The following COL6A1 variants were observed in gnomAD, a reference collection of about 807,000 sequenced individuals.
COL6A1 encodes collagen type VI alpha 1 chain.
COL6A1 carries 80 observed loss-of-function variants against 145.6 expected under a neutral mutation model. The ratio of observed to expected loss-of-function variants is 0.55; its 90% CI spans 0.46 to 0.66. COL6A1 has a LOEUF of 0.66. Ranked by LOEUF, COL6A1 falls within the 30% of genes least tolerant of loss-of-function variation. The pLI is 0.00. For missense variants in COL6A1, 1,364 were observed against 1,473.8 expected (o/e 0.93, Z 1.22); for synonymous variants, 638 against 622.8 (o/e 1.02, Z -0.36).
Position 45,981,822 on chromosome 21 carries a change from G to A in COL6A1, c.-29G>A. 4 of 1,538,178 alleles carry A rather than the reference G, an allele frequency of 2.6e-6. No individual in the cohort carries two copies. The highest frequency in any genetic ancestry group is 3.5e-6 in the Non-Finnish European group (4 of 1,138,506). ...GGCGGCGGCCCACTCTGCCCTGGCC[G>A]CGCTGTGTGGTGACCGCAGGCCCCA... On this transcript the variant is annotated 5_prime_UTR_variant, in exon 1 of 35. Coordinates refer to ENST00000361866, the MANE Select transcript of COL6A1 (RefSeq NM_001848.3).
chr21:46,000,938 G>A, intron 29 of COL6A1, 171 bp downstream of exon 29: 1 of 888,064 alleles, frequency 1.1e-6, no homozygotes, highest in Non-Finnish European at 1.8e-6. Context: ...GTTCCCGGGT[G>A]TTGGGCTGGG....
rs191946565 is a variant in COL6A1 at position 46,000,392 on chromosome 21, T to G, written c.1813+25T>G. 2.6e-3 allele frequency: 4,170 copies of G among 1,613,700 alleles called. 166 individuals carry two copies. The Admixed American group carries it at 0.067, about 26-fold the overall frequency. The stretch of plus-strand genomic sequence containing the variant: ...TGTGAGTATCTCTGAGAAGCCGTCC[T>G]CGTTAGGGAGAGCAGGGCCGCCAGC... On this transcript the variant is annotated intron_variant, in intron 28 of 34. Transcript: ENST00000361866.
chr21:45,986,430 C>T (rs1263175858), intron 3 of COL6A1, 96 bp from the exon 4 acceptor site: 12 of 1,283,082 alleles, frequency 9.4e-6, no homozygotes, highest in African/African-American at 2.9e-5. Flanking sequence ...CGGCTCCTCC[C>T]GGTGAGACAG....
rs768435283 is a variant in COL6A1, at chr21:46,002,228, A to C, written c.2077A>C (p.Ser693Arg). 15 of 1,602,398 alleles carry C rather than the reference A, an allele frequency of 9.4e-6. No individual in the cohort carries two copies. In the African/African-American group the frequency reaches 2.0e-4, roughly 21 times the overall value. Residue 693 changes from serine to arginine, a missense_variant, in exon 32 of 35, where the codon AGC becomes CGC. By Grantham distance (110) the Ser-to-Arg change is moderately radical. Transcript: ENST00000361866. ...NVQELKEAIKSLQWMAGGTFT... is the reference protein window; with the variant it reads ...NVQELKEAIKRLQWMAGGTFT... ...CCCTTTGCTATGCAGAGCCATCAAG[A>C]GCCTGCAGTGGATGGCGGGCGGCAC... is the stretch of plus-strand genomic sequence containing the variant.
At position 45,992,750 on chromosome 21, in the gene COL6A1, T is replaced by C. The variant is rs541986497; in HGVS notation, c.1275T>C (p.Gly425=). 1 of 1,591,116 alleles carries C rather than the reference T, an allele frequency of 6.3e-7. No homozygotes were observed. Among genetic ancestry groups the C allele is most frequent in the African/African-American group, 1.3e-5 (1 of 74,720 alleles). The change falls in exon 19 of 35, where the codon GGT becomes GGC. Residue 425 remains glycine (G), a splice_region_variant and synonymous_variant. Transcript: ENST00000361866. ...CCCCTCCATGTCTCTCCACTCAGGG[T>C]GGCCCTGGAGAGAGAGGACCACGGG... The part of the protein sequence containing the change: ...PGPDGAPGER[G]GPGERGPRGT...
chr21:45,991,170 G>A, intron 15 of COL6A1, 129 bp downstream of exon 15: 1 of 991,532 alleles, frequency 1.0e-6, no homozygotes, highest in South Asian at 1.4e-5. Flanking sequence ...GAGGGGAGGA[G>A]CTGGTGGAGG....
chr21:46,002,997 G>T, intron 33 of COL6A1, 123 bp from the exon 34 acceptor site: 1 of 1,432,678 alleles, frequency 7.0e-7, no homozygotes, highest in East Asian at 2.4e-5. Flanking sequence ...TCCTCCTCCC[G>T]GCTCGCTGTG....
chr21:46,004,455 CCCTCTCGGGGCCTGTGCCGCA>C lies in COL6A1; in HGVS notation c.*444_*464del, dbSNP rs1434016690. 9 of 319,082 alleles carry C rather than the reference CCCTCTCGGGGCCTGTGCCGCA, an allele frequency of 2.8e-5. No homozygotes were observed. The highest frequency in any genetic ancestry group is 4.9e-5 in the Non-Finnish European group (8 of 161,918). The allele number at this position is 319,082 out of a possible 1,614,324, so 19.8% of individuals were successfully genotyped here. A position where few individuals can be genotyped will look rare whatever the true frequency, so the allele number is the denominator to read the frequency against. Reference sequence around the variant, plus strand: ...GCATCCCACCAGCCTGAGCAAGACGCCCTCTCGGGGCCTGTGCCGCACTAGCCTCCCTCTCCTCTGTCCCCA... The same window carrying C: ...GCATCCCACCAGCCTGAGCAAGACGCCTAGCCTCCCTCTCCTCTGTCCCCA... On this transcript the variant is annotated 3_prime_UTR_variant, in exon 35 of 35. Coordinates refer to ENST00000361866, the MANE Select transcript of COL6A1 (RefSeq NM_001848.3).
At chr21:45,997,348 T>G in intron 20 of COL6A1, 73 bp from the exon 21 acceptor site, 1 of 1,443,044 alleles carries the variant, frequency 6.9e-7, no homozygotes, top group Non-Finnish European at 9.8e-7. Flanking sequence ...TCTGAGACCC[T>G]CAGCTTAGGG....
At chr21:46,000,111 A>G (rs2077834775) in intron 27 of COL6A1, among the ~76,000 whole-genome samples, 1 of 146,230 alleles carries the variant, frequency 6.8e-6, no homozygotes, top group Non-Finnish European at 1.5e-5. Flanking sequence ...CGTGACGGCC[A>G]CGGGGAGACC....
rs1016694819 is a variant in COL6A1, at chr21:45,998,267, C to G, written c.1575+96C>G. On this transcript the variant is annotated intron_variant, in intron 23 of 34. Coordinates refer to ENST00000361866, the MANE Select transcript of COL6A1 (RefSeq NM_001848.3). ...GCACTCTTGGGTGGGCGGGCTGGCC[C>G]CAGGACCGCCGGCTGGCCCAGGAAT... 2.4e-5 allele frequency: 38 copies of G among 1,578,982 alleles called. No homozygotes were observed. In the Admixed American group the frequency reaches 6.8e-4, roughly 28 times the overall value.
rs777639440 is a variant in COL6A1 at position 46,000,327 on chromosome 21, C to A, written c.1777-4C>A. ...CCCCAGTACCCTCGTCTCTCCCTCCCCAGGAATGCGAGATTTTGGACATCA... is the reference window on the plus strand; with the variant it reads ...CCCCAGTACCCTCGTCTCTCCCTCCACAGGAATGCGAGATTTTGGACATCA... On this transcript the variant is annotated splice_polypyrimidine_tract_variant and splice_region_variant and intron_variant, in intron 27 of 34. Transcript: ENST00000361866. 6.2e-7 allele frequency: 1 copy of A among 1,613,950 alleles called. No homozygotes were observed. The highest frequency in any genetic ancestry group is 8.5e-7 in the Non-Finnish European group (1 of 1,179,896).
chr21:45,995,732 C>G (rs1015395784), intron 20 of COL6A1, among the ~76,000 whole-genome samples: 1 of 152,204 alleles, frequency 6.6e-6, no homozygotes, highest in Non-Finnish European at 1.5e-5. Flanking sequence ...GGAATAGTCT[C>G]TAGGCTGCTG....
intron 3 of COL6A1, among the ~76,000 whole-genome samples, chr21:45,984,805 CAG>C (rs1422952913): frequency 6.7e-6 from 1 of 148,942 alleles, no homozygotes; most frequent in African/African-American, 2.5e-5. Context: ...GAGAGAGACA[CAG>C]AGAGACAGAG....
At position 45,998,135 on chromosome 21, in the gene COL6A1, C is replaced by T. The variant is rs150834054; in HGVS notation, c.1539C>T (p.Pro513=). 5.4e-5 allele frequency: 87 copies of T among 1,612,184 alleles called. No homozygotes were observed. Among genetic ancestry groups the T allele is most frequent in the Non-Finnish European group, 7.0e-5 (83 of 1,179,736 alleles). The change falls in exon 23 of 35, where the codon CCC becomes CCT. Residue 513 remains proline, a synonymous_variant. Transcript: ENST00000361866. ...GLMGERGEDG[P]AGNGTEGFPG... ...TGCTCCCCCAGGGAGAAGACGGCCC[C>T]GCTGGAAATGGCACCGAGGGCTTCC...
In COL6A1 at chr21:46,004,381, C is replaced by A. The variant is rs984520896; in HGVS notation, c.*368C>A. On this transcript the variant is annotated 3_prime_UTR_variant, in exon 35 of 35. Transcript: ENST00000361866. ...GGGCTCTCCTGCCCTGCCCTCCTGC[C>A]CGCCCTCCCTCCTGCCTGCGCAGCT... The A allele has an allele frequency of 5.3e-6, 2 of 379,588 alleles. No homozygotes were observed. Among genetic ancestry groups the A allele is most frequent in the Non-Finnish European group, 9.9e-6 (2 of 202,356 alleles). 23.5% of individuals were successfully genotyped at this position (379,588 alleles called of 1,614,324 possible).
chr21:45,984,805 C>T (rs1329616788), intron 3 of COL6A1, among the ~76,000 whole-genome samples: 1 of 148,942 alleles, frequency 6.7e-6, no homozygotes, highest in Admixed American at 6.7e-5. Context: ...GAGAGAGACA[C>T]AGAGAGACAG....
intron 1 of COL6A1, 109 bp from the exon 2 acceptor site, chr21:45,982,520 TCCGGG>T (rs1156480256): frequency 1.1e-5 from 16 of 1,493,806 alleles, no homozygotes; most frequent in African/African-American, 1.4e-5. Flanking sequence ...GGAGAGCCTC[TCCGGG>T]CCCGGGGCTC....
At chr21:46,002,147 CT>C (rs2077849920) in intron 31 of COL6A1, 70 bp from the exon 32 acceptor site, 2 of 1,576,914 alleles carry the variant, frequency 1.3e-6, no homozygotes, top group South Asian at 1.1e-5. Flanking sequence ...GCCCTGACCC[CT>C]GATCCCAGGT....
Sources: allele counts gnomAD v4.1 joint callset (sites outside exome capture counted in the v4.1 genomes callset), GRCh38; gene constraint gnomAD v4.1.1; transcripts MANE v1.5; gene names NCBI Gene and HGNC (gene_info 2026-07-23, HGNC 2026-07-21).